NDUFA9: variants seen among roughly 807,000 people sequenced by gnomAD.
The protein encoded by NDUFA9 is NADH dehydrogenase [ubiquinone] 1 alpha subcomplex subunit 9, mitochondrial.
Under a neutral mutation model 45.9 loss-of-function variants are expected in NDUFA9, and 23 were observed. The ratio of observed to expected loss-of-function variants is 0.50; its 90% CI spans 0.36 to 0.71. The LOEUF is 0.71. NDUFA9 is among the 30% of genes least tolerant of loss of function. NDUFA9 has a pLI of 0.00. For missense variants in NDUFA9, 466 were observed against 488.2 expected, an observed-to-expected ratio of 0.95 and a Z score of 0.43; for synonymous variants, 176 against 170.5, an observed-to-expected ratio of 1.03 and a Z score of -0.25.
intron 8 of NDUFA9, among the ~76,000 whole-genome samples, chr12:4,671,411 T>C (rs562960027): frequency 3.9e-5 from 6 of 152,140 alleles, no homozygotes; most frequent in African/African-American, 1.2e-4. Context: ...TAAAAAATAA[T>C]AGAATATTTA....
intron 8 of NDUFA9, among the ~76,000 whole-genome samples, chr12:4,671,687 G>C (rs1292882028): frequency 6.6e-6 from 1 of 152,106 alleles, no homozygotes; most frequent in East Asian, 1.9e-4. Flanking sequence ...TAATTATCAA[G>C]ATAGTATGGT....
At position 4,677,480 on chromosome 12, in the gene NDUFA9, C is replaced by T. The variant is rs185119122; in HGVS notation, c.801-4725C>T. ...GAAAAAAACTTCATCAAAAAGTGAG[C>T]GAAAGATATGAGCAGACACTTCTCA... On this transcript the variant is annotated intron_variant, in intron 8 of 10. Coordinates refer to ENST00000266544, the MANE Select transcript of NDUFA9 (RefSeq NM_005002.5). Among the ~76,000 whole-genome samples, 286 of 152,168 alleles carry T rather than the reference C, an allele frequency of 1.9e-3. 2 individuals are homozygous for T. Among genetic ancestry groups the T allele is most frequent in the Admixed American group, 2.0e-3 (30 of 15,280 alleles).
chr12:4,665,455 A>T (rs377374303), intron 6 of NDUFA9, among the ~76,000 whole-genome samples: 1 of 152,216 alleles, frequency 6.6e-6, no homozygotes, highest in African/African-American at 2.4e-5. Context: ...TGATATGTCT[A>T]TACCACATTT....
chr12:4,662,458 C>G (rs1945828360), intron 5 of NDUFA9, 75 bp from the exon 6 acceptor site: 1 of 1,109,270 alleles, frequency 9.0e-7, no homozygotes, highest in Non-Finnish European at 1.4e-6. Flanking sequence ...CAAGTCATGT[C>G]TTAATAGTGG....
chr12:4,662,747 C>T (rs1424256008), intron 6 of NDUFA9, 112 bp downstream of exon 6: 4 of 805,650 alleles, frequency 5.0e-6, no homozygotes, highest in Middle Eastern at 2.4e-4. Flanking sequence ...TTTTTCTTTC[C>T]CAGTTGCCTT....
At chr12:4,654,568 C>T (rs1231228614) in intron 2 of NDUFA9, 106 bp downstream of exon 2, 2 of 1,302,608 alleles carry the variant, frequency 1.5e-6, no homozygotes, top group Non-Finnish European at 1.1e-6. Flanking sequence ...TTATGAATTA[C>T]TCCTGTCTTG....
At chr12:4,654,147 T>A in intron 1 of NDUFA9, 145 bp from the exon 2 acceptor site, 1 of 712,478 alleles carries the variant, frequency 1.4e-6, no homozygotes, top group Non-Finnish European at 2.3e-6. Context: ...GTAGTTTGTG[T>A]TTATTATTGC....
At chr12:4,685,112 A>T in intron 9 of NDUFA9, 147 bp from the exon 10 acceptor site, 1 of 741,130 alleles carries the variant, frequency 1.3e-6, no homozygotes, top group Non-Finnish European at 2.4e-6. Flanking sequence ...AGGTAGCCTC[A>T]CAGGTCGAGG....
chr12:4,674,640 C>G (rs1202617096), intron 8 of NDUFA9, among the ~76,000 whole-genome samples: 1 of 152,162 alleles, frequency 6.6e-6, no homozygotes, highest in Non-Finnish European at 1.5e-5. Flanking sequence ...TATATATGCT[C>G]CCAATACAGG....
intron 9 of NDUFA9, among the ~76,000 whole-genome samples, chr12:4,684,636 C>CCT (rs1945973303): frequency 6.6e-6 from 1 of 152,150 alleles, no homozygotes. Context: ...AAGAAAAAGT[C>CCT]ACTGCCCTGA....
intron 8 of NDUFA9, among the ~76,000 whole-genome samples, chr12:4,676,226 G>A (rs895125776): frequency 1.3e-5 from 2 of 152,082 alleles, no homozygotes; most frequent in African/African-American, 2.4e-5. Context: ...TTTGAAAATC[G>A]GCACAAGACA....
chr12:4,665,234 A>G (rs558084995), intron 6 of NDUFA9, among the ~76,000 whole-genome samples: 11 of 152,192 alleles, frequency 7.2e-5, no homozygotes, highest in Non-Finnish European at 1.6e-4. Context: ...TACCCCTTAA[A>G]CAACTCTCTG....
chr12:4,680,791 A>C (rs1380026280), intron 8 of NDUFA9, among the ~76,000 whole-genome samples: 2 of 152,194 alleles, frequency 1.3e-5, no homozygotes, highest in African/African-American at 2.4e-5. Context: ...AATTACCTTC[A>C]CTCAGCTCTT....
At chr12:4,674,761 C>T (rs1049164340) in intron 8 of NDUFA9, among the ~76,000 whole-genome samples, 15 of 152,216 alleles carry the variant, frequency 9.9e-5, no homozygotes, top group African/African-American at 3.4e-4. Flanking sequence ...GAAAGATCAA[C>T]GAGACAGAAA....
Position 4,662,559 on chromosome 12 carries a change from T to C in NDUFA9, c.579T>C (p.Asp193=). The C allele has an allele frequency of 6.2e-7, 1 of 1,613,946 alleles. No homozygotes were observed. The highest frequency in any genetic ancestry group is 1.1e-5 in the South Asian group (1 of 91,068). Residue 193 remains aspartate (D), a synonymous_variant, in exon 6 of 11, where the codon GAT becomes GAC. Coordinates refer to ENST00000266544, the MANE Select transcript of NDUFA9 (RefSeq NM_005002.5). ...NKAVGEKVVR[D]AFPEAIIVKP... Reference sequence around the variant, plus strand: ...CTGTTGGAGAGAAAGTAGTGAGAGATGCATTTCCGGAAGCCATTATCGTAA... The same window carrying C: ...CTGTTGGAGAGAAAGTAGTGAGAGACGCATTTCCGGAAGCCATTATCGTAA...
At chr12:4,650,205 C>G (rs1945749072) in intron 1 of NDUFA9, among the ~76,000 whole-genome samples, 2 of 151,948 alleles carry the variant, frequency 1.3e-5, no homozygotes, top group Non-Finnish European at 2.9e-5. Context: ...GCTTGATGTT[C>G]AGCCTGAGGC....
intron 8 of NDUFA9, among the ~76,000 whole-genome samples, chr12:4,672,010 C>T (rs371930802): frequency 3.7e-4 from 56 of 152,236 alleles, no homozygotes; most frequent in East Asian, 1.2e-3. Flanking sequence ...ACACAGAAGG[C>T]GAGTGATTTC....
chr12:4,659,863 A>T (rs1945813870), intron 5 of NDUFA9, among the ~76,000 whole-genome samples: 1 of 152,120 alleles, frequency 6.6e-6, no homozygotes, highest in African/African-American at 2.4e-5. Flanking sequence ...CAAGTTTTTG[A>T]CTCACCACAT....
rs1376796413 is a variant in NDUFA9 at position 4,690,695 on chromosome 12, G to A, written c.*3587G>A. On this transcript the variant is annotated 3_prime_UTR_variant, in exon 11 of 11. Coordinates refer to ENST00000266544, the MANE Select transcript of NDUFA9 (RefSeq NM_005002.5). ...ACTGCACTCCAGCCTGGGAGACAGA[G>A]GGAGACTCTGTCTAAAATAAATAAT... is the stretch of plus-strand genomic sequence containing the variant. 1 of 151,888 alleles carries A rather than the reference G, an allele frequency of 6.6e-6. No homozygotes were observed. The highest frequency in any genetic ancestry group is 1.5e-5 in the Non-Finnish European group (1 of 68,012). The allele number at this position is 151,888 out of a possible 1,614,324, so 9.4% of individuals were successfully genotyped here.
Sources: gnomAD v4.1 joint callset for allele counts (sites outside exome capture counted in the v4.1 genomes callset) on GRCh38, gnomAD v4.1.1 for gene constraint, MANE v1.5 for transcripts, NCBI Gene and HGNC (gene_info 2026-07-23, HGNC 2026-07-21) for gene names.